The following ERC1 variants were observed in gnomAD, a reference collection of about 807,000 sequenced individuals.
ERC1 encodes the protein RAB6 interacting protein 2.
ERC1 carries 56 observed loss-of-function variants against 132.0 expected under a neutral mutation model. The ratio of observed to expected loss-of-function variants is 0.42; its 90% CI spans 0.34 to 0.53. The LOEUF (loss-of-function observed/expected upper bound fraction) is 0.53. Among genes scored for constraint, ERC1 ranks in the 20% least tolerant of loss-of-function variants. The probability of loss-of-function intolerance (pLI) is 0.03; values close to 1 mark genes in which losing one functional copy is unlikely to be tolerated. For missense variants in ERC1, 1,202 were observed against 1,349.9 expected, an observed-to-expected ratio of 0.89 and a Z score of 1.72; for synonymous variants, 478 against 476.1, an observed-to-expected ratio of 1.00 and a Z score of -0.05.
upstream of ERC1, chr12:990,934 C>CGTGTGTGTGTGTGTGTGTGTGTGTGTGT (rs758442595): frequency 4.4e-4 from 44 of 99,408 alleles, no homozygotes; most frequent in African/African-American, 1.2e-3. Flanking sequence ...CCGCAGGGGT[C>CGTGTGTGTGTGTGTGTGTGTGTGTGTGT]GTGTGTGTGT....
intron 16 of ERC1, among the ~76,000 whole-genome samples, chr12:1,394,403 C>CA (rs950565527): frequency 6.6e-6 from 1 of 151,592 alleles, no homozygotes; most frequent in Non-Finnish European, 1.5e-5. Context: ...CCTCTAAAAA[C>CA]AAAAAAAGAA....
chr12:1,376,657 A>G (rs1398810367), intron 16 of ERC1, among the ~76,000 whole-genome samples: 1 of 152,240 alleles, frequency 6.6e-6, no homozygotes, highest in Non-Finnish European at 1.5e-5. Flanking sequence ...AGCTAGAATT[A>G]GAACTGATTC....
Position 1,069,090 on chromosome 12 carries a change from TTG to T in ERC1, c.670-14072_670-14071del, listed in dbSNP as rs1233056215. ...AAGTGAGGGTTCTGCTAAGACAGCT[TTG>T]TAATTCACAGCTTTCTTTGAAAATG... is the stretch of plus-strand genomic sequence containing the variant. On this transcript the variant is annotated intron_variant, in intron 2 of 18. Transcript: ENST00000360905. Among the ~76,000 whole-genome samples, 5 of 152,350 alleles carry T rather than the reference TTG, an allele frequency of 3.3e-5. No homozygotes were observed. The East Asian group carries it at 7.7e-4, about 23-fold the overall frequency.
At chr12:1,470,624 G>A (rs541123980) in intron 18 of ERC1, among the ~76,000 whole-genome samples, 15 of 152,084 alleles carry the variant, frequency 9.9e-5, no homozygotes, top group Admixed American at 3.3e-4. Context: ...TTATAACGAC[G>A]AGCCCTTAAT....
chr12:1,143,061 G>T (rs984111129), intron 8 of ERC1, among the ~76,000 whole-genome samples: 1 of 152,026 alleles, frequency 6.6e-6, no homozygotes, highest in Non-Finnish European at 1.5e-5. Context: ...CCCACATCTG[G>T]TTAATTTTTT....
intron 13 of ERC1, among the ~76,000 whole-genome samples, chr12:1,238,288 T>C (rs2154304122): frequency 6.6e-6 from 1 of 152,294 alleles, no homozygotes; most frequent in East Asian, 1.9e-4. Context: ...TGCTTGTTAA[T>C]GTAATTTAAA....
chr12:1,110,147 G>A, intron 4 of ERC1, 45 bp from the exon 5 acceptor site: 3 of 1,500,246 alleles, frequency 2.0e-6, no homozygotes, highest in East Asian at 2.3e-5. Flanking sequence ...AGCTTTTCTG[G>A]GTTTTTGTGA....
At position 1,189,898 on chromosome 12, in the gene ERC1, A is replaced by T. The variant is rs1315971942; in HGVS notation, c.2197A>T (p.Met733Leu). ...AALEARASPEMSDRIQHLERE... is the reference protein window; with the variant it reads ...AALEARASPELSDRIQHLERE... The stretch of plus-strand genomic sequence containing the variant: ...ATTGGAAGCCAGAGCCAGTCCAGAG[A>T]TGAGTGACCGAATACAGCACTTGGA... Residue 733 changes from methionine (M) to leucine (L), a missense_variant, in exon 12 of 19, where the codon ATG becomes TTG. By Grantham distance (15) the Met-to-Leu change is conservative (BLOSUM62 2). Coordinates refer to ENST00000360905, the MANE Select transcript of ERC1 (RefSeq NM_178040.4). The T allele has an allele frequency of 6.2e-7, 1 of 1,613,804 alleles. No homozygotes were observed. The highest frequency in any genetic ancestry group is 2.2e-5 in the East Asian group (1 of 44,878).
intron 8 of ERC1, among the ~76,000 whole-genome samples, chr12:1,148,540 T>TA (rs1188995768): frequency 6.6e-6 from 1 of 152,212 alleles, no homozygotes; most frequent in East Asian, 1.9e-4. Context: ...TCTTAAAACT[T>TA]ACCAGATAGT....
intron 12 of ERC1, among the ~76,000 whole-genome samples, chr12:1,229,405 G>T (rs566362969): frequency 1.3e-5 from 2 of 152,254 alleles, no homozygotes; most frequent in South Asian, 4.1e-4. Context: ...AGAGGCTGAG[G>T]CAGGAGGATC....
intron 14 of ERC1, among the ~76,000 whole-genome samples, chr12:1,272,347 G>A (rs948735279): frequency 3.2e-4 from 48 of 152,172 alleles, no homozygotes; most frequent in Admixed American, 3.0e-3. Flanking sequence ...GAGAAATGTC[G>A]TATTTATAGA....
At chr12:1,180,283 GCGCGCA>G (rs1234414392) in intron 8 of ERC1, among the ~76,000 whole-genome samples, 281 of 124,506 alleles carry the variant, frequency 2.3e-3, no homozygotes, top group African/African-American at 0.012. Flanking sequence ...GTGTGTGTGT[GCGCGCA>G]CGCGTGTGCG....
intron 7 of ERC1, among the ~76,000 whole-genome samples, chr12:1,124,504 G>A (rs1192734856): frequency 5.9e-5 from 9 of 152,066 alleles, no homozygotes; most frequent in Non-Finnish European, 1.0e-4. Flanking sequence ...TCTGTGGGGT[G>A]TAACTAAAGC....
chr12:1,185,297 C>T (rs1356075943), intron 11 of ERC1, among the ~76,000 whole-genome samples: 1 of 152,046 alleles, frequency 6.6e-6, no homozygotes, highest in East Asian at 1.9e-4. Flanking sequence ...GCCATGGCCT[C>T]CCAAACTGCT....
chr12:1,004,607 G>A (rs549015308), intron 1 of ERC1, among the ~76,000 whole-genome samples: 25 of 151,450 alleles, frequency 1.7e-4, no homozygotes, highest in Non-Finnish European at 3.2e-4. Flanking sequence ...GGGTTTCACC[G>A]TGTTGGCCAG....
At chr12:1,121,506 A>G (rs1398583195) in intron 7 of ERC1, among the ~76,000 whole-genome samples, 1 of 152,222 alleles carries the variant, frequency 6.6e-6, no homozygotes, top group Non-Finnish European at 1.5e-5. Context: ...AGAGATAGGC[A>G]TCTTTTGTGA....
At chr12:1,112,589 A>G (rs1641935992) in intron 6 of ERC1, among the ~76,000 whole-genome samples, 1 of 151,896 alleles carries the variant, frequency 6.6e-6, no homozygotes, top group Non-Finnish European at 1.5e-5. Context: ...TTCTTTCTCA[A>G]CCCTTTATTG....
chr12:1,103,644 A>G (rs1944919591), intron 3 of ERC1, among the ~76,000 whole-genome samples: 1 of 152,160 alleles, frequency 6.6e-6, no homozygotes, highest in Non-Finnish European at 1.5e-5. Context: ...AGCGAAAGGA[A>G]GGCATTAAGA....
At chr12:1,078,605 A>G (rs1941705820) in intron 2 of ERC1, among the ~76,000 whole-genome samples, 1 of 150,176 alleles carries the variant, frequency 6.7e-6, no homozygotes, top group Non-Finnish European at 1.5e-5. Flanking sequence ...AATATCTATT[A>G]AAAGTCATCA....
Sources: gnomAD v4.1 joint callset for allele counts (sites outside exome capture counted in the v4.1 genomes callset) on GRCh38, gnomAD v4.1.1 for gene constraint, MANE v1.5 for transcripts, NCBI Gene and HGNC (gene_info 2026-07-23, HGNC 2026-07-21) for gene names.